The following ADGRL3 variants were observed in gnomAD, a reference collection of about 807,000 sequenced individuals.
ADGRL3 encodes calcium-independent alpha-latrotoxin receptor 3.
ADGRL3 carries 62 observed loss-of-function variants against 153.5 expected under a neutral mutation model. The observed-to-expected ratio is 0.40, with a 90% confidence interval of 0.33 to 0.50. ADGRL3 has a LOEUF of 0.50. Among genes scored for constraint, ADGRL3 ranks in the 20% least tolerant of loss-of-function variants. ADGRL3 has a pLI of 0.47. For missense variants in ADGRL3, 1,641 were observed against 1,859.4 expected (o/e 0.88, Z 2.16); for synonymous variants, 710 against 672.5 (o/e 1.06, Z -0.86).
intron 1 of ADGRL3, among the ~76,000 whole-genome samples, chr4:61,318,193 C>CAAAAAAAAAAA (rs757545966): frequency 6.2e-5 from 3 of 48,596 alleles, no homozygotes; most frequent in African/African-American, 5.6e-5. Context: ...GAACCTGTCT[C>CAAAAAAAAAAA]AAAAAAAAAA....
At chr4:61,595,318 A>G (rs528407725) in intron 5 of ADGRL3, among the ~76,000 whole-genome samples, 2 of 152,270 alleles carry the variant, frequency 1.3e-5, no homozygotes, top group South Asian at 4.1e-4. Context: ...GGCCCATTGC[A>G]TACCCCCTGG....
At chr4:61,347,112 A>G (rs1420950663) in intron 1 of ADGRL3, among the ~76,000 whole-genome samples, 1 of 152,256 alleles carries the variant, frequency 6.6e-6, no homozygotes, top group African/African-American at 2.4e-5. Flanking sequence ...CTTAAATTAC[A>G]TACAGTGAGT....
intron 2 of ADGRL3, among the ~76,000 whole-genome samples, chr4:61,411,202 A>G (rs892493165): frequency 2.0e-5 from 3 of 152,100 alleles, no homozygotes; most frequent in African/African-American, 7.2e-5. Context: ...ATTTCTGATC[A>G]TATATTACAT....
chr4:61,788,109 A>C (rs976578632), intron 8 of ADGRL3, among the ~76,000 whole-genome samples: 1 of 152,186 alleles, frequency 6.6e-6, no homozygotes, highest in African/African-American at 2.4e-5. Context: ...AGAGCAACTC[A>C]TAAAAGAACA....
chr4:62,009,605 T>C (rs1426657970), intron 21 of ADGRL3, among the ~76,000 whole-genome samples: 1 of 152,104 alleles, frequency 6.6e-6, no homozygotes, highest in African/African-American at 2.4e-5. Context: ...TAATTTAACA[T>C]TTTCTTTTTT....
At chr4:61,605,510 A>C (rs13131472) in intron 5 of ADGRL3, among the ~76,000 whole-genome samples, 21 of 152,204 alleles carry the variant, frequency 1.4e-4, no homozygotes, top group Non-Finnish European at 2.5e-4. Flanking sequence ...TAGTGAAGTC[A>C]GAATAAGTGC....
chr4:61,630,493 GGTT>G (rs1325526344), intron 5 of ADGRL3, among the ~76,000 whole-genome samples: 2 of 152,234 alleles, frequency 1.3e-5, no homozygotes, highest in South Asian at 2.1e-4. Context: ...ACATGCTGTT[GGTT>G]GTTGTTGTTT....
rs372721432 is a variant in ADGRL3 at position 61,789,932 on chromosome 4, T to C, written c.1400-23877T>C. On this transcript the variant is annotated intron_variant, in intron 8 of 26. Coordinates refer to ENST00000683033, the MANE Select transcript of ADGRL3 (RefSeq NM_001387552.1). ...CACCTGTTATTAAAAATAGAATAAA[T>C]CTTTTCCTGTTTGAATCTCTTAAAA... 4.6e-5 allele frequency among the ~76,000 whole-genome samples: 7 copies of C among 152,294 alleles called. 1 individual carries two copies. Among genetic ancestry groups the C allele is most frequent in the South Asian group, 2.1e-4 (1 of 4,830 alleles).
chr4:62,025,448 A>T (rs1717947996), intron 21 of ADGRL3, among the ~76,000 whole-genome samples: 1 of 151,900 alleles, frequency 6.6e-6, no homozygotes. Context: ...CCTTGCATTT[A>T]TAAGGACTTG....
chr4:61,769,562 G>C (rs1464402573), intron 8 of ADGRL3, among the ~76,000 whole-genome samples: 1 of 152,122 alleles, frequency 6.6e-6, no homozygotes, highest in Non-Finnish European at 1.5e-5. Flanking sequence ...TCCATGTGAA[G>C]AGACCACCAA....
At chr4:61,536,510 T>C (rs1036343833) in intron 4 of ADGRL3, among the ~76,000 whole-genome samples, 4 of 152,120 alleles carry the variant, frequency 2.6e-5, no homozygotes, top group African/African-American at 7.2e-5. Context: ...TATGGATGTC[T>C]ATCTCTTTTG....
At chr4:61,469,643 GGATA>G (rs1439361900) in intron 2 of ADGRL3, among the ~76,000 whole-genome samples, 1 of 151,894 alleles carries the variant, frequency 6.6e-6, no homozygotes, top group Non-Finnish European at 1.5e-5. Flanking sequence ...TAAAATATTA[GGATA>G]GATAAAGAGA....
chr4:61,347,987 G>C (rs1188992122), intron 1 of ADGRL3, among the ~76,000 whole-genome samples: 2 of 151,938 alleles, frequency 1.3e-5, no homozygotes, highest in Admixed American at 6.6e-5. Context: ...ATCATTTCTT[G>C]TTCATCATTT....
chr4:61,739,656 C>A (rs1010852217), intron 8 of ADGRL3, among the ~76,000 whole-genome samples: 1 of 152,090 alleles, frequency 6.6e-6, no homozygotes, highest in African/African-American at 2.4e-5. Context: ...CGTGTATGCT[C>A]CTCAGGTAGT....
At chr4:61,340,306 T>A (rs1246584449) in intron 1 of ADGRL3, among the ~76,000 whole-genome samples, 2 of 152,182 alleles carry the variant, frequency 1.3e-5, no homozygotes, top group African/African-American at 4.8e-5. Flanking sequence ...TCTCAGTGAA[T>A]TTGTTCTCTC....
In ADGRL3 at chr4:61,998,161, T is replaced by G. The variant is rs2099128349; in HGVS notation, c.3304-13T>G. 1.4e-6 allele frequency: 2 copies of G among 1,461,136 alleles called. No individual in the cohort carries two copies. The highest frequency in any genetic ancestry group is 1.9e-6 in the Non-Finnish European group (2 of 1,069,194). The allele number at this position is 1,461,136 out of a possible 1,614,324, so 90.5% of individuals were successfully genotyped here. A position where few individuals can be genotyped will look rare whatever the true frequency, so the allele number is the denominator to read the frequency against. On this transcript the variant is annotated splice_polypyrimidine_tract_variant and intron_variant, in intron 20 of 26. Coordinates refer to ENST00000683033, the MANE Select transcript of ADGRL3 (RefSeq NM_001387552.1). ...TCCAATTATGCTACATAACACTACC[T>G]TTTGCATTCCAGCTTAATGTAATCT...
chr4:61,398,279 T>G (rs983486516), intron 2 of ADGRL3, among the ~76,000 whole-genome samples: 7 of 151,776 alleles, frequency 4.6e-5, no homozygotes, highest in African/African-American at 1.7e-4. Flanking sequence ...TACTTTGAAT[T>G]TGGGTGAATT....
intron 8 of ADGRL3, among the ~76,000 whole-genome samples, chr4:61,796,651 CT>C (rs1370435616): frequency 6.6e-6 from 1 of 151,998 alleles, no homozygotes; most frequent in Non-Finnish European, 1.5e-5. Flanking sequence ...TTGAAAATGG[CT>C]TTACTGTTTT....
At chr4:61,486,506 C>T (rs1228370023) in intron 2 of ADGRL3, among the ~76,000 whole-genome samples, 3 of 152,048 alleles carry the variant, frequency 2.0e-5, no homozygotes, top group Non-Finnish European at 4.4e-5. Flanking sequence ...AGTAAAAATC[C>T]AGCAAATATT....
Sources: allele counts gnomAD v4.1 joint callset (sites outside exome capture counted in the v4.1 genomes callset), GRCh38; gene constraint gnomAD v4.1.1; transcripts MANE v1.5; gene names NCBI Gene and HGNC (gene_info 2026-07-23, HGNC 2026-07-21).